PAPPA: variants seen among roughly 807,000 people sequenced by gnomAD.
PAPPA encodes pappalysin-1.
A neutral mutation model predicts 164.0 loss-of-function variants in PAPPA; 60 were observed. The ratio of observed to expected loss-of-function variants is 0.37; its 90% CI spans 0.30 to 0.45. PAPPA has a LOEUF of 0.45. Among genes scored for constraint, PAPPA ranks in the 20% least tolerant of loss-of-function variants. The probability of loss-of-function intolerance (pLI) is 1.00; values close to 1 mark genes in which losing one functional copy is unlikely to be tolerated. For synonymous variants in PAPPA, 875 were observed against 814.1 expected, an observed-to-expected ratio of 1.07 and a Z score of -1.27; for missense variants, 1,782 against 2,087.3, an observed-to-expected ratio of 0.85 and a Z score of 2.85.
At chr9:116,259,561 T>C (rs56904599) in intron 7 of PAPPA, among the ~76,000 whole-genome samples, 2,329 of 152,318 alleles carry the variant, frequency 0.015, 38 homozygotes, top group East Asian at 0.045. Flanking sequence ...GGCTTGTTAG[T>C]AATCAGGGAA....
chr9:116,167,696 CTGA>C (rs1194232110), intron 1 of PAPPA, among the ~76,000 whole-genome samples: 11 of 152,224 alleles, frequency 7.2e-5, no homozygotes, highest in Non-Finnish European at 8.8e-5. Context: ...AGTAACAAGG[CTGA>C]TTTTTGGGTG....
chr9:116,252,490 C>A (rs557108648), intron 7 of PAPPA, among the ~76,000 whole-genome samples: 2 of 152,164 alleles, frequency 1.3e-5, no homozygotes, highest in South Asian at 2.1e-4. Context: ...TAAGGGGGCA[C>A]CTGAAGTGGA....
At chr9:116,345,074 G>A (rs1258859226) in intron 14 of PAPPA, among the ~76,000 whole-genome samples, 1 of 152,196 alleles carries the variant, frequency 6.6e-6, no homozygotes, top group African/African-American at 2.4e-5. Context: ...CTGTCAATGA[G>A]ATGCTCATTC....
At chr9:116,393,769 C>T (rs1846925062) in intron 21 of PAPPA, among the ~76,000 whole-genome samples, 1 of 152,000 alleles carries the variant, frequency 6.6e-6, no homozygotes, top group Non-Finnish European at 1.5e-5. Flanking sequence ...AGTGGAGGGC[C>T]ATTAGTGGCT....
At chr9:116,163,613 A>G (rs1843692401) in intron 1 of PAPPA, among the ~76,000 whole-genome samples, 1 of 152,220 alleles carries the variant, frequency 6.6e-6, no homozygotes, top group African/African-American at 2.4e-5. Context: ...GGCTGTCCTC[A>G]GACAAAACTG....
intron 13 of PAPPA, 34 bp from the exon 14 acceptor site, chr9:116,344,509 G>T: frequency 6.3e-7 from 1 of 1,597,882 alleles, no homozygotes; most frequent in Non-Finnish European, 8.6e-7. Context: ...CCTGTGAGGA[G>T]ACTCCTTCTT....
In PAPPA at chr9:116,276,049, T is replaced by C. The variant is rs1047456966; in HGVS notation, c.2953+4633T>C. ...ATGTGGAAGTTATCTTGTCTTTTTT[T>C]CCCCTCTTTTAAAAATATAACATAC... On this transcript the variant is annotated intron_variant, in intron 9 of 21. Coordinates refer to ENST00000328252, the MANE Select transcript of PAPPA (RefSeq NM_002581.5). Among the ~76,000 whole-genome samples the C allele has an allele frequency of 4.6e-5, 7 of 152,260 alleles. No individual in the cohort carries two copies. The East Asian group carries it at 7.7e-4, about 17-fold the overall frequency.
chr9:116,265,944 C>T lies in PAPPA; in HGVS notation c.2820C>T (p.Tyr940=). ...GTGAGCCATCACCTGCTGTCACATA[C>T]ATCCATGGAAGTGGGTACTGTGGCG... ...EESEPSPAVT[Y]IHGSGYCGDG... The change falls in exon 8 of 22, where the codon TAC becomes TAT. Residue 940 remains tyrosine (Y), a synonymous_variant. Coordinates refer to ENST00000328252, the MANE Select transcript of PAPPA (RefSeq NM_002581.5). 6.2e-7 allele frequency: 1 copy of T among 1,612,902 alleles called. No homozygotes were observed. Among genetic ancestry groups the T allele is most frequent in the Non-Finnish European group, 8.5e-7 (1 of 1,178,936 alleles).
At chr9:116,309,011 G>T (rs1449672885) in intron 10 of PAPPA, among the ~76,000 whole-genome samples, 3 of 151,964 alleles carry the variant, frequency 2.0e-5, no homozygotes, top group South Asian at 2.1e-4. Flanking sequence ...CACAAGCTAT[G>T]TGCTATACAT....
At chr9:116,303,814 T>C (rs771280079) in intron 10 of PAPPA, among the ~76,000 whole-genome samples, 4 of 152,238 alleles carry the variant, frequency 2.6e-5, no homozygotes, top group Non-Finnish European at 5.9e-5. Flanking sequence ...GAAAGAAAGA[T>C]ATGACCTTCC....
chr9:116,160,569 T>G (rs1300372502), intron 1 of PAPPA, among the ~76,000 whole-genome samples: 1 of 152,166 alleles, frequency 6.6e-6, no homozygotes, highest in Non-Finnish European at 1.5e-5. Context: ...GCTGCAGGTG[T>G]CTCCAATGAG....
chr9:116,374,458 C>G (rs553299645), intron 19 of PAPPA, among the ~76,000 whole-genome samples: 1 of 152,322 alleles, frequency 6.6e-6, no homozygotes, highest in South Asian at 2.1e-4. Context: ...CACTGCCTGT[C>G]CCCTTTCCCA....
In PAPPA at chr9:116,211,182, G is replaced by C. The variant is rs762365319; in HGVS notation, c.1625-457G>C. Among the ~76,000 whole-genome samples, 20 of 152,324 alleles carry C rather than the reference G, an allele frequency of 1.3e-4. 3 individuals carry two copies. Among genetic ancestry groups the C allele is most frequent in the Admixed American group, 1.2e-3 (19 of 15,306 alleles). On this transcript the variant is annotated intron_variant, in intron 3 of 21. Transcript: ENST00000328252. ...TACTCCACTCGATGTCACAGAGTTA[G>C]TGAAGGCAAAATGGGAACCAGAACC...
chr9:116,309,606 A>G (rs1249745290), intron 10 of PAPPA, among the ~76,000 whole-genome samples: 1 of 152,140 alleles, frequency 6.6e-6, no homozygotes, highest in Non-Finnish European at 1.5e-5. Context: ...AGTTTCAACT[A>G]AGAGGATAAG....
chr9:116,287,963 C>T (rs1845361801), intron 9 of PAPPA, among the ~76,000 whole-genome samples: 1 of 152,224 alleles, frequency 6.6e-6, no homozygotes, highest in Non-Finnish European at 1.5e-5. Context: ...TTCAGAGTGA[C>T]TGCTTCTTGG....
Position 116,357,571 on chromosome 9 carries a change from G to C in PAPPA, c.4347+3778G>C, listed in dbSNP as rs528167560. The stretch of plus-strand genomic sequence containing the variant: ...CAAGAGAGCAGGTGATGTTCTTTCT[G>C]ATCTCTAGCTCTGCTCTTTCCACTG... On this transcript the variant is annotated intron_variant, in intron 17 of 21. Transcript: ENST00000328252. 2.4e-4 allele frequency among the ~76,000 whole-genome samples: 37 copies of C among 152,330 alleles called. 1 individual carries two copies. The highest frequency in any genetic ancestry group is 2.2e-3 in the Admixed American group (34 of 15,308).
intron 2 of PAPPA, among the ~76,000 whole-genome samples, chr9:116,192,470 C>T (rs1844054479): frequency 6.6e-6 from 1 of 152,198 alleles, no homozygotes. Flanking sequence ...TTCTTCCCAC[C>T]TTCCCTTCCT....
intron 13 of PAPPA, among the ~76,000 whole-genome samples, chr9:116,335,780 T>A (rs1432938754): frequency 6.6e-6 from 1 of 152,202 alleles, no homozygotes; most frequent in Non-Finnish European, 1.5e-5. Context: ...CTTGGGCAAG[T>A]CACTTCAGTT....
At chr9:116,315,347 C>T (rs370562072) in intron 10 of PAPPA, among the ~76,000 whole-genome samples, 21 of 152,166 alleles carry the variant, frequency 1.4e-4, no homozygotes, top group African/African-American at 5.1e-4. Context: ...TCCTCACCCC[C>T]GGAATGTTCA....
Sources: allele counts gnomAD v4.1 joint callset (sites outside exome capture counted in the v4.1 genomes callset), GRCh38; gene constraint gnomAD v4.1.1; transcripts MANE v1.5; gene names NCBI Gene and HGNC (gene_info 2026-07-23, HGNC 2026-07-21).